NPHP4: variants seen among roughly 807,000 people sequenced by gnomAD.
The protein encoded by NPHP4 is nephrocystin-4.
NPHP4 carries 151 observed loss-of-function variants against 155.8 expected under a neutral mutation model. That is an observed-to-expected ratio of 0.97 (90% confidence interval 0.85 to 1.11). NPHP4 has a LOEUF of 1.11. NPHP4 is among the 50% of genes least tolerant of loss of function. NPHP4 has a pLI of 0.00. For missense variants in NPHP4, 1,956 were observed against 1,925.7 expected, an observed-to-expected ratio of 1.02 and a Z score of -0.29; for synonymous variants, 845 against 816.8, an observed-to-expected ratio of 1.03 and a Z score of -0.59.
In NPHP4 at chr1:5,873,354, A is replaced by T; in HGVS notation, c.3232-19T>A. ...GAGAGGCCTGCAGGAACCGAACAGC[A>T]CAAGCAGGTCAGGAAGCAACACCAT... On this transcript the variant is annotated intron_variant, in intron 22 of 29. Transcript: ENST00000378156. 1 of 1,608,230 alleles carries T rather than the reference A, an allele frequency of 6.2e-7. No individual in the cohort carries two copies. The highest frequency in any genetic ancestry group is 8.5e-7 in the Non-Finnish European group (1 of 1,174,730).
intron 6 of NPHP4, among the ~76,000 whole-genome samples, chr1:5,958,962 C>A (rs571335449): frequency 6.7e-6 from 1 of 148,394 alleles, no homozygotes; most frequent in African/African-American, 2.5e-5. Flanking sequence ...AGGGCCCACA[C>A]GGCACTGGCA....
intron 16 of NPHP4, 56 bp downstream of exon 16, chr1:5,904,561 T>C: frequency 7.3e-7 from 1 of 1,371,680 alleles, no homozygotes; most frequent in Non-Finnish European, 1.0e-6. Flanking sequence ...ACTGACAATT[T>C]ACACACACAA....
At chr1:5,865,006 G>T in intron 27 of NPHP4, 96 bp downstream of exon 27, 2 of 1,296,700 alleles carry the variant, frequency 1.5e-6, no homozygotes, top group Non-Finnish European at 2.2e-6. Flanking sequence ...AAAAGCTGCT[G>T]TCAGGGCCAC....
intron 7 of NPHP4, among the ~76,000 whole-genome samples, chr1:5,948,657 T>A (rs370954837): frequency 6.6e-6 from 1 of 150,532 alleles, no homozygotes; most frequent in African/African-American, 2.4e-5. Context: ...CAGAGGCTGC[T>A]TCCCCAGAGC....
chr1:5,941,430 T>C (rs982012754), intron 9 of NPHP4, among the ~76,000 whole-genome samples: 1 of 151,696 alleles, frequency 6.6e-6, no homozygotes, highest in East Asian at 1.9e-4. Flanking sequence ...AAAGAACTTA[T>C]ATATCTGACT....
At chr1:5,884,772 C>T (rs1370626704) in intron 18 of NPHP4, among the ~76,000 whole-genome samples, 2 of 147,048 alleles carry the variant, frequency 1.4e-5, no homozygotes, top group East Asian at 2.1e-4. Context: ...TGCCAAACCC[C>T]CATCCTACTC....
chr1:5,881,287 C>T (rs1376642685), intron 18 of NPHP4: 2 of 152,278 alleles, frequency 1.3e-5, no homozygotes, highest in African/African-American at 4.8e-5. Context: ...GGAGGTGAGC[C>T]ATATCCTCCG....
rs556004841 is a variant in NPHP4 at position 5,969,644 on chromosome 1, G to A, written c.280-385C>T. 2.6e-5 allele frequency among the ~76,000 whole-genome samples: 4 copies of A among 152,298 alleles called. No individual in the cohort carries two copies. In the East Asian group the frequency reaches 5.8e-4, roughly 22 times the overall value. Reference sequence around the variant, plus strand: ...CCCAACCCTGCAGGGGGACACACCAGGTAGGACCATGGTTAGATCAGCCCA... The same window carrying A: ...CCCAACCCTGCAGGGGGACACACCAAGTAGGACCATGGTTAGATCAGCCCA... On this transcript the variant is annotated intron_variant, in intron 3 of 29. Coordinates refer to ENST00000378156, the MANE Select transcript of NPHP4 (RefSeq NM_015102.5).
chr1:5,882,374 A>AGTGACGCGCTTACCCAGCCATCTCTCT lies in NPHP4; in HGVS notation c.2486-2136_2486-2135insAGAGAGATGGCTGGGTAAGCGCGTCAC, dbSNP rs1557643005. On this transcript the variant is annotated intron_variant, in intron 18 of 29. Transcript: ENST00000378156. The surrounding 1 kb of genome is among the most constrained non-coding windows in gnomAD (Gnocchi z 5.1). ...TGACGCGCTTACCCAGCCATCTCTC[A>AGTGACGCGCTTACCCAGCCATCTCTCT]GTGGTGCGCTTACCCAGCCATCTCT... 6.0e-5 allele frequency: 9 copies of AGTGACGCGCTTACCCAGCCATCTCTCT among 151,104 alleles called. No homozygotes were observed. Among genetic ancestry groups the AGTGACGCGCTTACCCAGCCATCTCTCT allele is most frequent in the Admixed American group, 4.6e-4 (7 of 15,138 alleles). 9.4% of individuals were successfully genotyped at this position (151,104 alleles called of 1,614,324 possible).
intron 12 of NPHP4, among the ~76,000 whole-genome samples, chr1:5,908,771 G>T (rs1397940079): frequency 6.6e-6 from 1 of 152,240 alleles, no homozygotes; most frequent in East Asian, 1.9e-4. Flanking sequence ...TAGCTGCCAG[G>T]CACCGCTACT....
intron 29 of NPHP4, chr1:5,863,607 T>C: frequency 1.5e-6 from 1 of 648,368 alleles, no homozygotes; most frequent in Non-Finnish European, 2.7e-6. Flanking sequence ...ACGCGTTACT[T>C]GGACTCGAAG....
chr1:5,865,253 G>T lies in NPHP4; in HGVS notation c.3665C>A (p.Pro1222His). Residue 1222 changes from proline (P) to histidine (H), a missense_variant, in exon 27 of 30, where the codon CCC becomes CAC. Coordinates refer to ENST00000378156, the MANE Select transcript of NPHP4 (RefSeq NM_015102.5). Reference sequence around the variant, plus strand: ...GAGGTAGACCTGCCACGTCTGTGTGGGTGTCGCCAGCCAGCGATCCCTGCA... The same window carrying T: ...GAGGTAGACCTGCCACGTCTGTGTGTGTGTCGCCAGCCAGCGATCCCTGCA... The part of the protein sequence containing the change: ...IIYSDRWLAT[P>H]TQTWQVYLHS... 1 of 1,575,422 alleles carries T rather than the reference G, an allele frequency of 6.3e-7. No individual in the cohort carries two copies. The highest frequency in any genetic ancestry group is 8.7e-7 in the Non-Finnish European group (1 of 1,153,778).
intron 3 of NPHP4, among the ~76,000 whole-genome samples, chr1:5,971,009 C>T (rs1216837195): frequency 6.6e-6 from 1 of 152,212 alleles, no homozygotes; most frequent in Admixed American, 6.5e-5. Flanking sequence ...TCGAGTTGGT[C>T]ATTAACTCAC....
chr1:5,972,672 T>C (rs1306504572), intron 3 of NPHP4, among the ~76,000 whole-genome samples: 1 of 152,218 alleles, frequency 6.6e-6, no homozygotes, highest in Non-Finnish European at 1.5e-5. Context: ...TGCACACTCT[T>C]TATCTCTCAT....
chr1:5,916,515 G>C (rs1645479644), intron 11 of NPHP4, among the ~76,000 whole-genome samples: 1 of 152,246 alleles, frequency 6.6e-6, no homozygotes, highest in African/African-American at 2.4e-5. Context: ...TAAACTCAGT[G>C]AAATCAGGGT....
At chr1:5,974,849 C>T (rs1166640699) in intron 3 of NPHP4, among the ~76,000 whole-genome samples, 1 of 152,202 alleles carries the variant, frequency 6.6e-6, no homozygotes, top group East Asian at 1.9e-4. Context: ...GGTCCATGCG[C>T]TACCACGTGG....
intron 8 of NPHP4, among the ~76,000 whole-genome samples, chr1:5,947,503 A>T (rs1647170194): frequency 6.6e-6 from 1 of 152,168 alleles, no homozygotes; most frequent in Non-Finnish European, 1.5e-5. Flanking sequence ...TCAGCCTCTC[A>T]TTGCTCTTTC....
Position 5,905,704 on chromosome 1 carries a change from A to G in NPHP4, c.1691T>C (p.Ile564Thr). Residue 564 changes from isoleucine to threonine, a missense_variant, in exon 14 of 30, where the codon ATT becomes ACT. Physicochemically the swap from Ile to Thr is moderately conservative, Grantham distance 89. Transcript: ENST00000378156. The surrounding 1 kb of genome is among the most constrained non-coding windows in gnomAD (Gnocchi z 4.0). ...SQTSLVLETS[I>T]AEQLQELPFT... Reference sequence around the variant, plus strand: ...CGGCAGCTCCTGTAACTGTTCGGCAATGGATGTTTCCAGGACCAGGGAGGT... The same window carrying G: ...CGGCAGCTCCTGTAACTGTTCGGCAGTGGATGTTTCCAGGACCAGGGAGGT... 1 of 1,613,884 alleles carries G rather than the reference A, an allele frequency of 6.2e-7. No homozygotes were observed. Among genetic ancestry groups the G allele is most frequent in the Non-Finnish European group, 8.5e-7 (1 of 1,179,838 alleles).
In NPHP4 at chr1:5,905,510, C is replaced by T. The variant is rs115263803; in HGVS notation, c.1764-27G>A. On this transcript the variant is annotated intron_variant, in intron 14 of 29. Coordinates refer to ENST00000378156, the MANE Select transcript of NPHP4 (RefSeq NM_015102.5). The surrounding 1 kb of genome is among the most constrained non-coding windows in gnomAD (Gnocchi z 4.0). ...TGAGACACAGAGACTCCTCAGGTAG[C>T]CTCCCGGGAAAGGGGGGACCCATTG... 1.1e-3 allele frequency: 1,803 copies of T among 1,596,892 alleles called. 15 individuals carry two copies. In the African/African-American group the frequency reaches 0.021, roughly 18 times the overall value.
Sources: gnomAD v4.1 joint callset for allele counts (sites outside exome capture counted in the v4.1 genomes callset) on GRCh38, gnomAD v4.1.1 for gene constraint, Gnocchi (gnomAD v3.1) non-coding constraint, MANE v1.5 for transcripts, NCBI Gene and HGNC (gene_info 2026-07-23, HGNC 2026-07-21) for gene names.